Variants in FAM149A observed in about 807,000 individuals in gnomAD.
The protein encoded by FAM149A is family with sequence similarity 149 member A.
FAM149A carries 71 observed loss-of-function variants against 78.2 expected under a neutral mutation model. The ratio of observed to expected loss-of-function variants is 0.91; its 90% confidence interval spans 0.75 to 1.11. The LOEUF is 1.11. FAM149A is among the 50% of genes least tolerant of loss of function. The probability of loss-of-function intolerance (pLI) is 0.00; values close to 1 mark genes in which losing one functional copy is unlikely to be tolerated. For missense variants in FAM149A, 1,036 were observed against 971.0 expected (o/e 1.07, Z -0.89); for synonymous variants, 446 against 410.5 (o/e 1.09, Z -1.04).
chr4:186,167,291 T>C (rs762411678), intron 13 of FAM149A, 29 bp downstream of exon 13: 2 of 1,562,346 alleles, frequency 1.3e-6, no homozygotes, highest in South Asian at 1.1e-5. Context: ...GTAAATAAAG[T>C]GATGTAGTAA....
chr4:186,170,887 A>C (rs1303766057), intron 13 of FAM149A: 1 of 152,290 alleles, frequency 6.6e-6, no homozygotes, highest in African/African-American at 2.4e-5. Flanking sequence ...AAGCTTCTGC[A>C]CTAATTTCGA....
At chr4:186,145,956 G>C (rs1363047328) in intron 1 of FAM149A, among the ~76,000 whole-genome samples, 2 of 151,318 alleles carry the variant, frequency 1.3e-5, no homozygotes, top group Non-Finnish European at 2.9e-5. Context: ...TCCTTGGTTA[G>C]AGAACAGAGA....
At chr4:186,152,145 C>A in intron 4 of FAM149A, 100 bp downstream of exon 4, 1 of 1,168,436 alleles carries the variant, frequency 8.6e-7, no homozygotes, top group Non-Finnish European at 1.2e-6. Context: ...AAAGTGCCTG[C>A]CCAGTCAGAA....
In FAM149A at chr4:186,153,799, G is replaced by C. The variant is rs777003340; in HGVS notation, c.1058+29G>C. The C allele has an allele frequency of 2.4e-5, 38 of 1,566,790 alleles. No individual in the cohort carries two copies. In the Admixed American group the frequency reaches 6.5e-4, roughly 27 times the overall value. On this transcript the variant is annotated intron_variant, in intron 5 of 13. Coordinates refer to ENST00000389354, the MANE Select transcript of FAM149A (RefSeq NM_001367768.3). ...TGTTCAGATAAGTGACTCTCAAAAA[G>C]TATTGTTAGCTGTATTTTAGTTATA...
chr4:186,116,418 C>T (rs2099313724), intron 1 of FAM149A: 2 of 981,142 alleles, frequency 2.0e-6, no homozygotes, highest in African/African-American at 1.7e-5. Flanking sequence ...TGGCTCCTCC[C>T]TCATGACCGT....
intron 1 of FAM149A, chr4:186,116,542 T>C: frequency 1.0e-6 from 1 of 985,380 alleles, no homozygotes; most frequent in South Asian, 4.7e-5. Context: ...TTGTTCTGTC[T>C]TATGCGTAGG....
rs1354033715 is a variant in FAM149A, at chr4:186,105,463, G to A, written c.387G>A (p.Pro129=). Residue 129 remains proline, a synonymous_variant, in exon 1 of 14, where the codon CCG becomes CCA. Coordinates refer to ENST00000389354, the MANE Select transcript of FAM149A (RefSeq NM_001367768.3). The stretch of plus-strand genomic sequence containing the variant: ...CTCGCCTGGTGGTCCCAGCGCGGCC[G>A]CCCTCGGGCCCCGGCGGGGTCTGGG... The A allele has an allele frequency of 3.3e-6, 4 of 1,213,572 alleles. No individual in the cohort carries two copies. Among genetic ancestry groups the A allele is most frequent in the Admixed American group, 3.2e-5 (1 of 31,492 alleles). The allele number at this position is 1,213,572 out of a possible 1,614,324, so 75.2% of individuals were successfully genotyped here. A position where few individuals can be genotyped will look rare whatever the true frequency, so the allele number is the denominator to read the frequency against.
At chr4:186,160,048 A>G (rs576764900) in intron 8 of FAM149A, among the ~76,000 whole-genome samples, 3 of 104,044 alleles carry the variant, frequency 2.9e-5, no homozygotes, top group African/African-American at 1.1e-4. Context: ...CAAACACACC[A>G]CATACCATAC....
intron 1 of FAM149A, among the ~76,000 whole-genome samples, chr4:186,129,203 G>A (rs569354459): frequency 6.6e-6 from 1 of 152,096 alleles, no homozygotes; most frequent in African/African-American, 2.4e-5. Flanking sequence ...GTGCATGTGT[G>A]TGTGTGTCTA....
intron 1 of FAM149A, among the ~76,000 whole-genome samples, chr4:186,121,370 G>A (rs905774036): frequency 6.6e-6 from 1 of 152,098 alleles, no homozygotes; most frequent in African/African-American, 2.4e-5. Context: ...TGTTTATCTA[G>A]TGAGTATATT....
rs529399009 is a variant in FAM149A at position 186,113,697 on chromosome 4, A to T, written c.566+8055A>T. Among the ~76,000 whole-genome samples, 4 of 150,116 alleles carry T rather than the reference A, an allele frequency of 2.7e-5. No homozygotes were observed. In the East Asian group the frequency reaches 7.9e-4, roughly 30 times the overall value. ...AGGTTGTTCAGTTTCCATGTAGTTG[A>T]GCGGTTTTGAGTGAGATTCTTAATC... On this transcript the variant is annotated intron_variant, in intron 1 of 13. Transcript: ENST00000389354.
intron 1 of FAM149A, among the ~76,000 whole-genome samples, chr4:186,106,098 C>T (rs541560844): frequency 1.3e-5 from 2 of 152,138 alleles, no homozygotes; most frequent in Admixed American, 1.3e-4. Context: ...CTAGTCTTAT[C>T]CTAAGTGGGA....
At chr4:186,163,852 G>A (rs558753237) in intron 10 of FAM149A, among the ~76,000 whole-genome samples, 13 of 152,302 alleles carry the variant, frequency 8.5e-5, no homozygotes, top group South Asian at 8.3e-4. Context: ...TCACACAGGC[G>A]GAATGAGCCT....
At chr4:186,169,619 A>T (rs1490395611) in intron 13 of FAM149A, 2 of 985,334 alleles carry the variant, frequency 2.0e-6, no homozygotes, top group Non-Finnish European at 2.4e-6. Flanking sequence ...CTAATAGGAC[A>T]TTCAGGAATG....
At chr4:186,171,679 C>A (rs934705102) in intron 13 of FAM149A, among the ~76,000 whole-genome samples, 1 of 152,178 alleles carries the variant, frequency 6.6e-6, no homozygotes, top group Admixed American at 6.5e-5. Context: ...GTGAATCCAC[C>A]AGCTCGGGAG....
chr4:186,142,722 C>T (rs555277805), intron 1 of FAM149A, among the ~76,000 whole-genome samples: 2 of 152,294 alleles, frequency 1.3e-5, no homozygotes, highest in South Asian at 4.1e-4. Context: ...TTCCAGCCAC[C>T]CCCGACTGCA....
chr4:186,130,860 A>G (rs1486061988), intron 1 of FAM149A, among the ~76,000 whole-genome samples: 2 of 152,166 alleles, frequency 1.3e-5, no homozygotes, highest in Non-Finnish European at 2.9e-5. Context: ...CTATTTGTAC[A>G]TGGATGTTTG....
chr4:186,145,276 C>T (rs1323649796), intron 1 of FAM149A, among the ~76,000 whole-genome samples: 1 of 152,138 alleles, frequency 6.6e-6, no homozygotes, highest in Admixed American at 6.5e-5. Context: ...AAGCGTTCGC[C>T]GCCAAAGGGA....
intron 1 of FAM149A, among the ~76,000 whole-genome samples, chr4:186,148,938 A>G (rs1733251005): frequency 6.6e-6 from 1 of 151,946 alleles, no homozygotes; most frequent in African/African-American, 2.4e-5. Flanking sequence ...GGTTAATGGC[A>G]ACCTTGATTT....
Sources: gnomAD v4.1 joint callset for allele counts (sites outside exome capture counted in the v4.1 genomes callset) on GRCh38, gnomAD v4.1.1 for gene constraint, MANE v1.5 for transcripts, NCBI Gene and HGNC (gene_info 2026-07-23, HGNC 2026-07-21) for gene names.